SLC4A7: variants seen among roughly 807,000 people sequenced by gnomAD.
SLC4A7 encodes sodium bicarbonate cotransporter 3.
A neutral mutation model predicts 137.6 loss-of-function variants in SLC4A7; 51 were observed. That is an observed-to-expected ratio of 0.37 (90% confidence interval 0.30 to 0.47). The LOEUF (loss-of-function observed/expected upper bound fraction) is 0.47. SLC4A7 is among the 20% of genes least tolerant of loss of function. SLC4A7 has a pLI of 1.00. For synonymous variants in SLC4A7, 542 were observed against 518.6 expected (o/e 1.05, Z -0.61); for missense variants, 1,247 against 1,525.4 (o/e 0.82, Z 3.04).
intron 22 of SLC4A7, 27 bp downstream of exon 22, chr3:27,389,904 G>A: frequency 6.4e-7 from 1 of 1,559,602 alleles, no homozygotes; most frequent in Non-Finnish European, 8.8e-7. Flanking sequence ...ATTAATTAGT[G>A]ACAAAATAAG....
chr3:27,436,084 C>T (rs987210133), intron 5 of SLC4A7, among the ~76,000 whole-genome samples: 1 of 152,138 alleles, frequency 6.6e-6, no homozygotes, highest in African/African-American at 2.4e-5. Flanking sequence ...GTAACTTGTA[C>T]AATTAATGTT....
chr3:27,395,484 T>G (rs978538659), intron 18 of SLC4A7, among the ~76,000 whole-genome samples: 1 of 152,210 alleles, frequency 6.6e-6, no homozygotes, highest in Non-Finnish European at 1.5e-5. Flanking sequence ...CTTTGAACCC[T>G]GAGATTATTA....
intron 1 of SLC4A7, among the ~76,000 whole-genome samples, chr3:27,465,160 G>A (rs557944819): frequency 1.1e-3 from 165 of 151,584 alleles, no homozygotes; most frequent in Admixed American, 3.5e-3. Context: ...TTATCCAGGC[G>A]TGCCTGTAAT....
At chr3:27,476,237 C>G (rs549656610) in intron 1 of SLC4A7, among the ~76,000 whole-genome samples, 90 of 152,168 alleles carry the variant, frequency 5.9e-4, no homozygotes, top group Non-Finnish European at 1.1e-3. Context: ...TTTAATGGTG[C>G]TTAATATTCA....
At position 27,395,014 on chromosome 3, in the gene SLC4A7, G is replaced by A. The variant is rs2051992755; in HGVS notation, c.2805C>T (p.Leu935=). 6.2e-7 allele frequency: 1 copy of A among 1,610,188 alleles called. No homozygotes were observed. Among genetic ancestry groups the A allele is most frequent in the Non-Finnish European group, 8.5e-7 (1 of 1,178,850 alleles). The change falls in exon 19 of 26, where the codon CTC becomes CTT. Residue 935 remains leucine (L), a synonymous_variant. Transcript: ENST00000454389. ...CTGTGATTTGTTGATCCATAAAGAT[G>A]AGAATGGTACAAAGCAAAGCAGGAA... ...AAIPALLCTI[L]IFMDQQITAV...
chr3:27,453,979 G>C (rs1382210076), intron 1 of SLC4A7, among the ~76,000 whole-genome samples: 1 of 152,136 alleles, frequency 6.6e-6, no homozygotes, highest in Non-Finnish European at 1.5e-5. Flanking sequence ...AGGAGTGGGA[G>C]CAGGCCATGT....
intron 19 of SLC4A7, 30 bp from the exon 20 acceptor site, chr3:27,394,799 T>A: frequency 2.5e-6 from 4 of 1,606,182 alleles, no homozygotes; most frequent in Non-Finnish European, 3.4e-6. Flanking sequence ...TAAATATCTG[T>A]AAGTCTAAAT....
intron 3 of SLC4A7, among the ~76,000 whole-genome samples, chr3:27,442,286 T>C (rs1467155015): frequency 6.6e-6 from 1 of 152,196 alleles, no homozygotes; most frequent in Non-Finnish European, 1.5e-5. Flanking sequence ...GAATAGATCT[T>C]GTATATCTTT....
At chr3:27,470,436 A>G (rs1202318013) in intron 1 of SLC4A7, among the ~76,000 whole-genome samples, 1 of 152,078 alleles carries the variant, frequency 6.6e-6, no homozygotes, top group Admixed American at 6.6e-5. Context: ...TAAGCCAAAT[A>G]ACAGCATTTA....
chr3:27,411,505 A>C, intron 12 of SLC4A7, 137 bp downstream of exon 12: 1 of 335,742 alleles, frequency 3.0e-6, no homozygotes, highest in East Asian at 5.2e-5. Context: ...TTTTCCTTAT[A>C]TATAATAATG....
intron 10 of SLC4A7, among the ~76,000 whole-genome samples, chr3:27,419,348 C>T (rs893887739): frequency 2.0e-5 from 3 of 151,802 alleles, no homozygotes; most frequent in Non-Finnish European, 4.4e-5. Flanking sequence ...GCAGGCGGAT[C>T]GCCTGATGTC....
chr3:27,400,466 G>A (rs1341173858), intron 16 of SLC4A7, among the ~76,000 whole-genome samples: 5 of 152,146 alleles, frequency 3.3e-5, no homozygotes, highest in Non-Finnish European at 7.4e-5. Context: ...TCCTTTGAAC[G>A]TATCAATCTA....
At chr3:27,477,241 T>C (rs896163770) in intron 1 of SLC4A7, among the ~76,000 whole-genome samples, 2 of 152,248 alleles carry the variant, frequency 1.3e-5, no homozygotes, top group Non-Finnish European at 2.9e-5. Flanking sequence ...TTGATGCAAA[T>C]CCTAATGCAA....
intron 16 of SLC4A7, among the ~76,000 whole-genome samples, chr3:27,399,816 G>A (rs1222316596): frequency 6.6e-6 from 1 of 152,194 alleles, no homozygotes; most frequent in East Asian, 1.9e-4. Flanking sequence ...TGGAAATACA[G>A]GAGCCAGCAG....
At chr3:27,417,364 T>A (rs761132217) in intron 11 of SLC4A7, among the ~76,000 whole-genome samples, 6 of 152,004 alleles carry the variant, frequency 3.9e-5, no homozygotes, top group African/African-American at 1.5e-4. Context: ...TTAAAAAAAA[T>A]AAAATGTAAT....
intron 1 of SLC4A7, among the ~76,000 whole-genome samples, chr3:27,465,851 G>A (rs1381643005): frequency 2.6e-5 from 4 of 151,676 alleles, no homozygotes; most frequent in Admixed American, 2.0e-4. Flanking sequence ...CTACTCGGGA[G>A]GCTGAGGCAG....
At chr3:27,405,310 G>T (rs1242217869) in intron 13 of SLC4A7, among the ~76,000 whole-genome samples, 1 of 152,026 alleles carries the variant, frequency 6.6e-6, no homozygotes, top group Non-Finnish European at 1.5e-5. Context: ...TCAGATTTCA[G>T]ATTAAGGATG....
chr3:27,395,748 CAA>C (rs528812856), intron 18 of SLC4A7, among the ~76,000 whole-genome samples: 1 of 152,128 alleles, frequency 6.6e-6, no homozygotes, highest in African/African-American at 2.4e-5. Context: ...GGCTGTTATT[CAA>C]AAGTTTGTTA....
chr3:27,381,809 G>A (rs1339225346), intron 24 of SLC4A7, among the ~76,000 whole-genome samples: 5 of 152,182 alleles, frequency 3.3e-5, no homozygotes, highest in Admixed American at 6.5e-5. Context: ...AGGAGGGCCA[G>A]GCACAGTGGC....
Sources: gnomAD v4.1 joint callset for allele counts (sites outside exome capture counted in the v4.1 genomes callset) on GRCh38, gnomAD v4.1.1 for gene constraint, MANE v1.5 for transcripts, NCBI Gene and HGNC (gene_info 2026-07-23, HGNC 2026-07-21) for gene names.